SYVN1: variants seen among roughly 807,000 people sequenced by gnomAD.
SYVN1 encodes the protein synoviolin 1.
SYVN1 carries 17 observed loss-of-function variants against 62.6 expected under a neutral mutation model. That is an observed-to-expected ratio of 0.27 (90% CI 0.19 to 0.41). The LOEUF (loss-of-function observed/expected upper bound fraction) is 0.41, where lower values mean the gene tolerates loss of function less well. Among genes scored for constraint, SYVN1 ranks in the 10% least tolerant of loss-of-function variants. The probability of loss-of-function intolerance (pLI) is 1.00; values close to 1 mark genes in which losing one functional copy is unlikely to be tolerated. For synonymous variants in SYVN1, 316 were observed against 304.0 expected, an observed-to-expected ratio of 1.04 and a Z score of -0.41; for missense variants, 634 against 818.0, an observed-to-expected ratio of 0.78 and a Z score of 2.74.
intron 14 of SYVN1, 30 bp downstream of exon 14, chr11:65,129,699 A>G (rs1948149173): frequency 1.2e-6 from 2 of 1,605,478 alleles, no homozygotes; most frequent in South Asian, 1.1e-5. Flanking sequence ...GACCCACCAA[A>G]CCCACTCTGC....
rs1010369328 is a variant in SYVN1 at position 65,131,281 on chromosome 11, C to A, written c.751G>T (p.Ala251Ser). The stretch of plus-strand genomic sequence containing the variant: ...GGACAGGGCCGGGCTCACCTCATGG[C>A]CAGGTACATGGGCCGGATGGCAAAG... ...PLFAIRPMYL[A>S]MRQFKKAVTD... is the part of the protein sequence containing the mutation. Residue 251 changes from alanine to serine, a missense_variant, in exon 8 of 16, where the codon GCC becomes TCC. Physicochemically the swap from Ala to Ser is moderately conservative, Grantham distance 99. Transcript: ENST00000377190. The A allele has an allele frequency of 1.2e-6, 2 of 1,613,996 alleles. No homozygotes were observed. The highest frequency in any genetic ancestry group is 1.7e-6 in the Non-Finnish European group (2 of 1,180,008).
rs1308387099 is a variant in SYVN1 at position 65,128,824 on chromosome 11, G to A, written c.1596-110C>T. 9 of 1,174,348 alleles carry A rather than the reference G, an allele frequency of 7.7e-6. No homozygotes were observed. The African/African-American group carries it at 7.8e-5, about 10-fold the overall frequency. 72.7% of individuals were successfully genotyped at this position (1,174,348 alleles called of 1,614,324 possible). A position where few individuals can be genotyped will look rare whatever the true frequency, so the allele number is the denominator to read the frequency against. ...ACAGAGTATAGAATGATGTGCCCTTGTGGCCCCAGTGCCTGGCAAACACAA... is the reference window on the plus strand; with the variant it reads ...ACAGAGTATAGAATGATGTGCCCTTATGGCCCCAGTGCCTGGCAAACACAA... On this transcript the variant is annotated intron_variant, in intron 14 of 15. Transcript: ENST00000377190.
chr11:65,129,581 A>C (rs1346188038), intron 14 of SYVN1, 148 bp downstream of exon 14: 10 of 668,726 alleles, frequency 1.5e-5, no homozygotes, highest in Non-Finnish European at 2.6e-5. Flanking sequence ...ACCAGGAGTT[A>C]CCAAGAACTC....
Position 65,127,299 on chromosome 11 carries a change from T to G in SYVN1, c.*1083A>C. 1 of 459,612 alleles carries G rather than the reference T, an allele frequency of 2.2e-6. No individual in the cohort carries two copies. The highest frequency in any genetic ancestry group is 2.0e-5 in the African/African-American group (1 of 49,862). The allele number at this position is 459,612 out of a possible 1,614,324, so 28.5% of individuals were successfully genotyped here. ...ACCAATTGTTAATGCAAGTTTTTATTTGGCTGTATATACAATTTAAGCTAT... is the reference window on the plus strand; with the variant it reads ...ACCAATTGTTAATGCAAGTTTTTATGTGGCTGTATATACAATTTAAGCTAT... On this transcript the variant is annotated 3_prime_UTR_variant, in exon 16 of 16. Coordinates refer to ENST00000377190, the MANE Select transcript of SYVN1 (RefSeq NM_172230.3).
At position 65,129,853 on chromosome 11, in the gene SYVN1, C is replaced by T; in HGVS notation, c.1471G>A (p.Ala491Thr). The T allele has an allele frequency of 1.2e-6, 2 of 1,614,132 alleles. No homozygotes were observed. Among genetic ancestry groups the T allele is most frequent in the South Asian group, 2.2e-5 (2 of 91,084 alleles). Residue 491 changes from alanine to threonine, a missense_variant, in exon 14 of 16, where the codon GCT (alanine) becomes ACT (threonine). By Grantham distance (58) the Ala-to-Thr change is moderately conservative. Coordinates refer to ENST00000377190, the MANE Select transcript of SYVN1 (RefSeq NM_172230.3). ...TGCTGCCGCTCATGGCCCTCCAGAG[C>T]TCGTAGCTCCTCTGGGGTCAGCCCA... is the stretch of plus-strand genomic sequence containing the variant. The part of the protein sequence containing the change: ...FAGLTPEELR[A>T]LEGHERQHLE...
chr11:65,131,073 C>G (rs1319528069), intron 9 of SYVN1, 37 bp from the exon 10 acceptor site: 1 of 1,613,644 alleles, frequency 6.2e-7, no homozygotes, highest in Admixed American at 1.7e-5. Context: ...AGGTCCAGAG[C>G]TGGAAGCAGA....
At position 65,133,621 on chromosome 11, in the gene SYVN1, G is replaced by T; in HGVS notation, c.-17-3C>A. On this transcript the variant is annotated splice_polypyrimidine_tract_variant and splice_region_variant and intron_variant, in intron 1 of 15. Coordinates refer to ENST00000377190, the MANE Select transcript of SYVN1 (RefSeq NM_172230.3). ...GAACATTGCCCTGGCCCGGAGACCT[G>T]CATGGGGCAAGAAAATAACTTATGT... The T allele has an allele frequency of 6.2e-7, 1 of 1,604,314 alleles. No homozygotes were observed. The highest frequency in any genetic ancestry group is 8.5e-7 in the Non-Finnish European group (1 of 1,178,724).
Position 65,128,186 on chromosome 11 carries a change from C to G in SYVN1, c.*196G>C, listed in dbSNP as rs980121759. ...GGAAGGCTGGAACTGACCCGAGATC[C>G]CCATGGCTGCCTGGGACTGGAGTCA... On this transcript the variant is annotated 3_prime_UTR_variant, in exon 16 of 16. Coordinates refer to ENST00000377190, the MANE Select transcript of SYVN1 (RefSeq NM_172230.3). 51 of 606,494 alleles carry G rather than the reference C, an allele frequency of 8.4e-5. No homozygotes were observed. In the African/African-American group the frequency reaches 9.1e-4, roughly 11 times the overall value. 37.6% of individuals were successfully genotyped at this position (606,494 alleles called of 1,614,324 possible).
At chr11:65,132,655 G>C (rs779866816) in intron 5 of SYVN1, 77 bp downstream of exon 5, 25 of 1,453,430 alleles carry the variant, frequency 1.7e-5, no homozygotes, top group Non-Finnish European at 2.3e-5. Context: ...CAGCTGTGGG[G>C]GGTAGCCTGT....
At chr11:65,132,900 A>G in intron 4 of SYVN1, 22 bp downstream of exon 4, 6 of 1,613,932 alleles carry the variant, frequency 3.7e-6, no homozygotes, top group Non-Finnish European at 2.5e-6. Context: ...CACCTGCTCC[A>G]GAACTCCCTG....
intron 14 of SYVN1, chr11:65,128,999 G>T: frequency 2.5e-6 from 1 of 404,136 alleles, no homozygotes; most frequent in Non-Finnish European, 4.5e-6. Flanking sequence ...GCACCTTATA[G>T]GGGACTCACT....
chr11:65,129,413 A>G lies in SYVN1; in HGVS notation c.1595+316T>C, dbSNP rs372862724. The G allele has an allele frequency of 2.6e-4, 68 of 263,722 alleles. 1 individual carries two copies. The highest frequency in any genetic ancestry group is 1.9e-3 in the Admixed American group (40 of 21,014). 16.3% of individuals were successfully genotyped at this position (263,722 alleles called of 1,614,324 possible). A position where few individuals can be genotyped will look rare whatever the true frequency, so the allele number is the denominator to read the frequency against. ...AGCAATTGCCAATCTAAGTGTCACC[A>G]CATCTCAGAAGAATATCATGTGATG... On this transcript the variant is annotated intron_variant, in intron 14 of 15. Coordinates refer to ENST00000377190, the MANE Select transcript of SYVN1 (RefSeq NM_172230.3).
intron 5 of SYVN1, 34 bp from the exon 6 acceptor site, chr11:65,132,385 G>A (rs1415874419): frequency 2.7e-6 from 4 of 1,469,460 alleles, no homozygotes; most frequent in Admixed American, 1.7e-5. Flanking sequence ...GGGTGGGGGG[G>A]TCAGCCCAGG....
At chr11:65,133,315 C>T in intron 2 of SYVN1, 63 bp from the exon 3 acceptor site, 1 of 1,589,930 alleles carries the variant, frequency 6.3e-7, no homozygotes. Context: ...TGGGACTCAT[C>T]ATGCAGGATC....
At chr11:65,130,604 C>A in intron 11 of SYVN1, 56 bp downstream of exon 11, 1 of 1,487,466 alleles carries the variant, frequency 6.7e-7, no homozygotes, top group South Asian at 1.4e-5. Flanking sequence ...CTTCCACATC[C>A]AGCCCAGGGC....
chr11:65,128,945 G>A, intron 14 of SYVN1: 1 of 564,236 alleles, frequency 1.8e-6, no homozygotes, highest in Non-Finnish European at 3.1e-6. Flanking sequence ...AGGGACTGTT[G>A]ACCTGTTCAC....
In SYVN1 at chr11:65,128,173, C is replaced by G; in HGVS notation, c.*209G>C. On this transcript the variant is annotated 3_prime_UTR_variant, in exon 16 of 16. Coordinates refer to ENST00000377190, the MANE Select transcript of SYVN1 (RefSeq NM_172230.3). ...GAAGAGTTGGAGAGGAAGGCTGGAA[C>G]TGACCCGAGATCCCCATGGCTGCCT... The G allele has an allele frequency of 1.7e-6, 1 of 601,930 alleles. No homozygotes were observed. Among genetic ancestry groups the G allele is most frequent in the Non-Finnish European group, 3.0e-6 (1 of 338,474 alleles). 37.3% of individuals were successfully genotyped at this position (601,930 alleles called of 1,614,324 possible).
Position 65,129,753 on chromosome 11 carries a change from T to G in SYVN1, c.1571A>C (p.Tyr524Ser). 6.2e-7 allele frequency: 1 copy of G among 1,614,180 alleles called. No homozygotes were observed. The highest frequency in any genetic ancestry group is 8.5e-7 in the Non-Finnish European group (1 of 1,180,024). Reference sequence around the variant, plus strand: ...CCCCAAGGAGGCCAGCACGGTGAGGTACTGGTTGATCTGCAGCATGGCGGC... The same window carrying G: ...CCCCAAGGAGGCCAGCACGGTGAGGGACTGGTTGATCTGCAGCATGGCGGC... ...LDAAMLQINQ[Y>S]LTVLASLGPP... The change falls in exon 14 of 16, where the codon TAC becomes TCC. Residue 524 changes from tyrosine (Y) to serine (S), a missense_variant. Around this residue, in one of 2 missense-constraint regions of SYVN1, gnomAD observed 351 missense variants for 373.3 expected, o/e 0.94. Transcript: ENST00000377190.
At chr11:65,132,865 TGC>T (rs1466799185) in intron 4 of SYVN1, 55 bp downstream of exon 4, 1 of 1,612,400 alleles carries the variant, frequency 6.2e-7, no homozygotes, top group East Asian at 2.2e-5. Context: ...TCCTTAAGCC[TGC>T]CCGCTGGCTA....
Sources: allele counts gnomAD v4.1 joint callset, GRCh38; gene constraint gnomAD v4.1.1; regional missense constraint gnomAD v4.1.1; transcripts MANE v1.5; gene names NCBI Gene and HGNC (gene_info 2026-07-23, HGNC 2026-07-21).